The following SP140L variants were observed in gnomAD, a reference collection of about 807,000 sequenced individuals.
The protein encoded by SP140L is nuclear body protein SP140-like protein.
A neutral mutation model predicts 84.3 loss-of-function variants in SP140L; 64 were observed. That is an observed-to-expected ratio of 0.76 (90% confidence interval 0.62 to 0.94). The LOEUF (loss-of-function observed/expected upper bound fraction) is 0.94, where lower values mean the gene tolerates loss of function less well. SP140L is among the 40% of genes least tolerant of loss of function. The pLI is 0.00. For synonymous variants in SP140L, 242 were observed against 236.9 expected (o/e 1.02, Z -0.20); for missense variants, 628 against 692.5 (o/e 0.91, Z 1.05).
chr2:230,351,618 T>G (rs6749613), intron 2 of SP140L, among the ~76,000 whole-genome samples: 82,171 of 152,040 alleles, frequency 0.54, 24,318 homozygotes, highest in East Asian at 0.94. Flanking sequence ...TATTGACTCA[T>G]ATATTCTGTC....
rs944758136 is a variant in SP140L, at chr2:230,390,033, A to G, written c.964+10A>G. The G allele has an allele frequency of 6.2e-7, 1 of 1,607,288 alleles. No individual in the cohort carries two copies. The highest frequency in any genetic ancestry group is 2.2e-5 in the East Asian group (1 of 44,804). On this transcript the variant is annotated intron_variant, in intron 11 of 18. Coordinates refer to ENST00000415673, the MANE Select transcript of SP140L (RefSeq NM_138402.6). ...GAGAAATTGGAACAAGGTGGGTTTC[A>G]TAGTCTTCTTTAATTTGCAGCTCCT...
intron 2 of SP140L, among the ~76,000 whole-genome samples, chr2:230,341,529 T>C (rs2149693798): frequency 6.6e-6 from 1 of 151,568 alleles, no homozygotes; most frequent in Admixed American, 6.6e-5. Context: ...GTTCTGTTGC[T>C]GGTGAGGAAC....
intron 4 of SP140L, among the ~76,000 whole-genome samples, chr2:230,361,311 C>T (rs1460315275): frequency 1.3e-5 from 2 of 152,168 alleles, no homozygotes; most frequent in Non-Finnish European, 2.9e-5. Flanking sequence ...CAGGGAATCC[C>T]TCTGTTTCTT....
intron 2 of SP140L, among the ~76,000 whole-genome samples, chr2:230,344,235 T>A (rs1454747368): frequency 1.3e-5 from 2 of 152,218 alleles, no homozygotes; most frequent in African/African-American, 2.4e-5. Flanking sequence ...TTCAGATAGC[T>A]CTTCTTGTTG....
At chr2:230,398,237 G>A (rs1425020856) in intron 14 of SP140L, among the ~76,000 whole-genome samples, 2 of 152,190 alleles carry the variant, frequency 1.3e-5, no homozygotes, top group Non-Finnish European at 2.9e-5. Flanking sequence ...AAGAATACCA[G>A]TGCCTGTGCC....
At chr2:230,342,811 CT>C (rs986251921) in intron 2 of SP140L, among the ~76,000 whole-genome samples, 1 of 148,722 alleles carries the variant, frequency 6.7e-6, no homozygotes, top group African/African-American at 2.5e-5. Context: ...AAGATTTATC[CT>C]TTTTTTTAAA....
chr2:230,372,724 CAAAAAAAAAA>C (rs58923161), intron 7 of SP140L: 2 of 90,366 alleles, frequency 2.2e-5, no homozygotes, highest in Admixed American at 1.3e-4. Context: ...GACTCCGTCT[CAAAAAAAAAA>C]AAAAAAAAAA....
intron 12 of SP140L, 110 bp from the exon 13 acceptor site, chr2:230,393,304 A>G: frequency 8.2e-7 from 1 of 1,217,330 alleles, no homozygotes; most frequent in Non-Finnish European, 1.1e-6. Context: ...ACTGGGTTTG[A>G]GCTGGCATTG....
chr2:230,400,230 T>C lies in SP140L; in HGVS notation c.1301T>C (p.Val434Ala). The C allele has an allele frequency of 6.2e-7, 1 of 1,614,184 alleles. No homozygotes were observed. Among genetic ancestry groups the C allele is most frequent in the Non-Finnish European group, 8.5e-7 (1 of 1,180,004 alleles). ...VFHEDCHIPP[V>A]ESEKTPWNCI... The stretch of plus-strand genomic sequence containing the variant: ...CATGAGGACTGCCACATCCCACCTG[T>C]GGAAAGTGAGAAGTAAGTGACATGC... Residue 434 changes from valine to alanine, a missense_variant, in exon 15 of 19, where the codon GTG becomes GCG. Physicochemically the swap from Val to Ala is moderately conservative, Grantham distance 64 (BLOSUM62 0). This residue lies in a region of SP140L where 525 missense variants were observed against 518.4 expected (regional missense o/e 1.01). Coordinates refer to ENST00000415673, the MANE Select transcript of SP140L (RefSeq NM_138402.6).
At position 230,359,047 on chromosome 2, in the gene SP140L, C is replaced by G; in HGVS notation, c.354C>G (p.Asn118Lys). The part of the protein sequence containing the change: ...NVLSELEKTF[N>K]LSVLEALFSE... ...TCAGTGAACTGGAGAAGACATTTAA[C>G]CTGTCAGTTTTGGAAGCACTGTTCA... The change falls in exon 4 of 19, where the codon AAC becomes AAG. Residue 118 changes from asparagine to lysine, a missense_variant. Physicochemically the swap from Asn to Lys is moderately conservative, Grantham distance 94 (BLOSUM62 0). Transcript: ENST00000415673. The G allele has an allele frequency of 1.9e-6, 3 of 1,613,772 alleles. No individual in the cohort carries two copies. Among genetic ancestry groups the G allele is most frequent in the South Asian group, 2.2e-5 (2 of 91,044 alleles).
At chr2:230,329,375 G>A (rs1559397565) in intron 2 of SP140L, among the ~76,000 whole-genome samples, 1 of 152,102 alleles carries the variant, frequency 6.6e-6, no homozygotes. Flanking sequence ...CATCTTTTCA[G>A]TTTTTTACTT....
intron 3 of SP140L, among the ~76,000 whole-genome samples, chr2:230,358,342 T>C (rs771696697): frequency 2.0e-5 from 3 of 152,186 alleles, no homozygotes; most frequent in African/African-American, 7.2e-5. Flanking sequence ...CCACAGGGAA[T>C]TGGTGTCTAG....
At position 230,390,005 on chromosome 2, in the gene SP140L, A is replaced by G; in HGVS notation, c.946A>G (p.Lys316Glu). The G allele has an allele frequency of 6.2e-7, 1 of 1,613,532 alleles. No individual in the cohort carries two copies. The highest frequency in any genetic ancestry group is 1.3e-5 in the African/African-American group (1 of 74,984). The change falls in exon 11 of 19, where the codon AAG (lysine) becomes GAG (glutamate). Residue 316 changes from lysine to glutamate, a missense_variant. Around this residue, in one of 4 missense-constraint regions of SP140L, gnomAD observed 525 missense variants for 518.4 expected, o/e 1.01. Coordinates refer to ENST00000415673, the MANE Select transcript of SP140L (RefSeq NM_138402.6). ...TGGTGGGGTGAAGGGAATTTTACAT[A>G]AGGAGAAATTGGAACAAGGTGGGTT... ...TCGGVKGILH[K>E]EKLEQGTLAK...
chr2:230,338,815 T>C (rs765252245), intron 2 of SP140L, among the ~76,000 whole-genome samples: 11 of 143,814 alleles, frequency 7.6e-5, no homozygotes, highest in Non-Finnish European at 1.5e-4. Flanking sequence ...TTTGCGTATA[T>C]TAAACCAGCC....
At chr2:230,391,184 TA>T (rs1200168419) in intron 11 of SP140L, among the ~76,000 whole-genome samples, 1 of 152,258 alleles carries the variant, frequency 6.6e-6, no homozygotes, top group Non-Finnish European at 1.5e-5. Flanking sequence ...TTTGAACATT[TA>T]TGTAACAAAT....
chr2:230,390,785 TG>T (rs2061769289), intron 11 of SP140L, among the ~76,000 whole-genome samples: 1 of 152,178 alleles, frequency 6.6e-6, no homozygotes, highest in African/African-American at 2.4e-5. Flanking sequence ...TGATTTTTTT[TG>T]TATTTTCACA....
chr2:230,402,370 G>T (rs529703842), intron 18 of SP140L, among the ~76,000 whole-genome samples: 2 of 152,358 alleles, frequency 1.3e-5, no homozygotes, highest in South Asian at 2.1e-4. Flanking sequence ...CTGTGGAAAT[G>T]ATTTCACTTT....
chr2:230,365,614 T>C (rs139763899), intron 5 of SP140L, among the ~76,000 whole-genome samples: 3 of 152,098 alleles, frequency 2.0e-5, no homozygotes, highest in Non-Finnish European at 4.4e-5. Context: ...ATTGTTTTTC[T>C]AGTCTTTATC....
chr2:230,369,797 T>G (rs1268833972), intron 5 of SP140L, among the ~76,000 whole-genome samples: 1 of 152,230 alleles, frequency 6.6e-6, no homozygotes, highest in Admixed American at 6.5e-5. Context: ...AGACTGAGTC[T>G]CTCTCTCTGT....
Sources: gnomAD v4.1 joint callset for allele counts (sites outside exome capture counted in the v4.1 genomes callset) on GRCh38, gnomAD v4.1.1 for gene constraint, gnomAD v4.1.1 regional missense constraint, MANE v1.5 for transcripts, NCBI Gene and HGNC (gene_info 2026-07-23, HGNC 2026-07-21) for gene names.